The following SRGAP3 variants were observed in gnomAD, a reference collection of about 807,000 sequenced individuals.
SRGAP3 encodes SLIT-ROBO Rho GTPase-activating protein 3.
A neutral mutation model predicts 121.1 loss-of-function variants in SRGAP3; 39 were observed. The observed-to-expected ratio is 0.32, with a 90% CI of 0.25 to 0.42. SRGAP3 has a LOEUF of 0.42. Ranked by LOEUF, SRGAP3 falls within the 10% of genes least tolerant of loss-of-function variation. The pLI is 1.00. For synonymous variants in SRGAP3, 601 were observed against 570.0 expected (o/e 1.05, Z -0.77); for missense variants, 1,213 against 1,470.6 (o/e 0.82, Z 2.86).
intron 2 of SRGAP3, among the ~76,000 whole-genome samples, chr3:9,329,037 G>A (rs1955561232): frequency 6.6e-6 from 1 of 152,118 alleles, no homozygotes; most frequent in South Asian, 2.1e-4. Flanking sequence ...GCAGCAGTTT[G>A]TTATGGAACA....
chr3:9,155,965 GC>G (rs1950402487), intron 1 of SRGAP3, among the ~76,000 whole-genome samples: 1 of 152,162 alleles, frequency 6.6e-6, no homozygotes, highest in Admixed American at 6.5e-5. Context: ...ACAGGCACCC[GC>G]CACCACGCCC....
intron 1 of SRGAP3, among the ~76,000 whole-genome samples, chr3:9,181,297 A>T (rs1479337848): frequency 6.6e-6 from 1 of 152,194 alleles, no homozygotes; most frequent in Non-Finnish European, 1.5e-5. Context: ...GGTTTAAGGC[A>T]TTGAAGGGCC....
intron 18 of SRGAP3, among the ~76,000 whole-genome samples, chr3:9,003,429 A>C (rs1942875057): frequency 6.6e-6 from 1 of 152,128 alleles, no homozygotes; most frequent in Non-Finnish European, 1.5e-5. Context: ...CAGTGAGCCA[A>C]GATTGTGCCA....
intron 3 of SRGAP3, among the ~76,000 whole-genome samples, chr3:9,100,972 C>A (rs1030284964): frequency 6.6e-6 from 1 of 152,208 alleles, no homozygotes; most frequent in African/African-American, 2.4e-5. Context: ...CAGGAAGGAC[C>A]AGTGGATGGT....
At chr3:9,014,083 T>C in intron 15 of SRGAP3, 2 of 559,206 alleles carry the variant, frequency 3.6e-6, no homozygotes, top group Non-Finnish European at 6.5e-6. Context: ...CCGGACTTGG[T>C]TGTGAGAAAC....
rs993531336 is a variant in SRGAP3 at position 9,218,025 on chromosome 3, G to A, written c.67+30860C>T. 6.6e-6 allele frequency: 1 copy of A among 152,320 alleles called. No homozygotes were observed. The highest frequency in any genetic ancestry group is 1.5e-5 in the Non-Finnish European group (1 of 68,046). The allele number at this position is 152,320 out of a possible 1,614,324, so 9.4% of individuals were successfully genotyped here. A position where few individuals can be genotyped will look rare whatever the true frequency, so the allele number is the denominator to read the frequency against. On this transcript the variant is annotated intron_variant, in intron 1 of 21. Transcript: ENST00000383836. The surrounding 1 kb of genome is among the most constrained non-coding windows in gnomAD (Gnocchi z 5.3). The stretch of plus-strand genomic sequence containing the variant: ...CACAACCTTTAAGCCGCATTAACAG[G>A]ATCAAGGGATGTATTATTAGTCCTG...
chr3:9,064,270 C>A, intron 5 of SRGAP3, 126 bp downstream of exon 5: 1 of 1,317,056 alleles, frequency 7.6e-7, no homozygotes, highest in Non-Finnish European at 1.1e-6. Flanking sequence ...TCCCATCCCC[C>A]CTACCCACCA....
intron 1 of SRGAP3, among the ~76,000 whole-genome samples, chr3:9,353,704 G>C (rs143267093): frequency 1.3e-5 from 2 of 152,302 alleles, no homozygotes; most frequent in African/African-American, 4.8e-5. Flanking sequence ...GGTCCTTCGG[G>C]TTAAAGGTTC....
chr3:9,285,688 C>T (rs1216844379), intron 3 of SRGAP3, among the ~76,000 whole-genome samples: 2 of 150,680 alleles, frequency 1.3e-5, no homozygotes, highest in African/African-American at 4.9e-5. Flanking sequence ...CCCAACTACT[C>T]AGGAAGCTGA....
In SRGAP3 at chr3:9,265,451, G is replaced by A. The variant is rs138625027; in HGVS notation, n.442+60559C>T. On this transcript the variant is annotated intron_variant and non_coding_transcript_variant, in intron 3 of 3. Transcript: ENST00000490889. The stretch of plus-strand genomic sequence containing the variant: ...AGTGAACAGGCAACCTACAGAATGG[G>A]AGAAAATGTTTGCAATCTACTCATC... Among the ~76,000 whole-genome samples, 451 of 152,188 alleles carry A rather than the reference G, an allele frequency of 3.0e-3. 15 individuals carry two copies. The South Asian group carries it at 0.047, about 16-fold the overall frequency.
intron 4 of SRGAP3, among the ~76,000 whole-genome samples, chr3:9,078,464 C>T (rs945374486): frequency 5.9e-5 from 9 of 152,110 alleles, no homozygotes. Context: ...CTTCCCCCCA[C>T]CGTGAGTATG....
chr3:9,240,957 G>C, intron 1 of SRGAP3, among the ~76,000 whole-genome samples: 1 of 152,158 alleles, frequency 6.6e-6, no homozygotes, highest in East Asian at 1.9e-4. Flanking sequence ...GGAAGTGTCA[G>C]GAAGGGAAGG....
chr3:9,026,861 T>G, intron 13 of SRGAP3, 74 bp downstream of exon 13: 1 of 1,533,182 alleles, frequency 6.5e-7, no homozygotes, highest in Admixed American at 1.7e-5. Context: ...CAAATTAGAA[T>G]CTCATTTCCT....
intron 14 of SRGAP3, among the ~76,000 whole-genome samples, chr3:9,024,213 A>G (rs914390475): frequency 1.3e-5 from 2 of 152,216 alleles, no homozygotes; most frequent in South Asian, 2.1e-4. Flanking sequence ...CACTCAGAGA[A>G]GAAGGCAGTA....
At chr3:9,137,425 C>CTGAT (rs1291760174) in intron 1 of SRGAP3, among the ~76,000 whole-genome samples, 1 of 152,128 alleles carries the variant, frequency 6.6e-6, no homozygotes, top group African/African-American at 2.4e-5. Context: ...ATCTCCCACA[C>CTGAT]TGATTCTCAC....
rs180986675 is a variant in SRGAP3 at position 9,310,602 on chromosome 3, G to C, written n.442+15408C>G. The stretch of plus-strand genomic sequence containing the variant: ...CCCTCTTCACTAAGGTGTGATATAA[G>C]GTTACAAGGTCTGGAACTGCTATAA... On this transcript the variant is annotated intron_variant and non_coding_transcript_variant, in intron 3 of 3. Transcript: ENST00000490889. Among the ~76,000 whole-genome samples the C allele has an allele frequency of 2.6e-5, 4 of 152,262 alleles. No individual in the cohort carries two copies. The East Asian group carries it at 7.7e-4, about 29-fold the overall frequency.
intron 1 of SRGAP3, among the ~76,000 whole-genome samples, chr3:9,209,241 C>T (rs899900935): frequency 6.6e-6 from 1 of 152,126 alleles, no homozygotes; most frequent in African/African-American, 2.4e-5. Flanking sequence ...CTGTACAGCA[C>T]AACAGCCATG....
At chr3:9,342,375 A>C (rs1327690197) in intron 1 of SRGAP3, among the ~76,000 whole-genome samples, 1 of 152,066 alleles carries the variant, frequency 6.6e-6, no homozygotes, top group Non-Finnish European at 1.5e-5. Context: ...GAAAGCAAAA[A>C]ATCATTTTGA....
intron 3 of SRGAP3, among the ~76,000 whole-genome samples, chr3:9,318,395 G>C (rs1029865751): frequency 6.6e-6 from 1 of 151,728 alleles, no homozygotes; most frequent in Non-Finnish European, 1.5e-5. Context: ...CTCTGGGGCT[G>C]GCTGTATATC....
Sources: allele counts gnomAD v4.1 joint callset (sites outside exome capture counted in the v4.1 genomes callset), GRCh38; gene constraint gnomAD v4.1.1; non-coding constraint Gnocchi (gnomAD v3.1); transcripts MANE v1.5; gene names NCBI Gene and HGNC (gene_info 2026-07-23, HGNC 2026-07-21).